The following MYLK4 variants were observed in gnomAD, a reference collection of about 807,000 sequenced individuals.
MYLK4 encodes the protein caMLCK like.
Under a neutral mutation model 48.1 loss-of-function variants are expected in MYLK4, and 46 were observed. The observed-to-expected ratio is 0.96, with a 90% confidence interval of 0.75 to 1.22. MYLK4 has a LOEUF of 1.22. MYLK4 is among the 50% of genes most tolerant of loss of function. The probability of loss-of-function intolerance (pLI) is 0.00; values close to 1 mark genes in which losing one functional copy is unlikely to be tolerated. For missense variants in MYLK4, 451 were observed against 486.1 expected (o/e 0.93, Z 0.68); for synonymous variants, 170 against 180.8 (o/e 0.94, Z 0.48).
intron 3 of MYLK4, among the ~76,000 whole-genome samples, chr6:2,689,620 A>G (rs1293743387): frequency 6.6e-6 from 1 of 152,214 alleles, no homozygotes; most frequent in Non-Finnish European, 1.5e-5. Flanking sequence ...CAGCTCTAAC[A>G]TACAGAATTA....
At chr6:2,765,529 T>C in the MYLK4 span, 1 of 1,304,094 alleles carries the variant, frequency 7.7e-7, no homozygotes, top group Non-Finnish European at 9.7e-7. Context: ...AGCGAGGGTC[T>C]CGCGGCGCGG....
chr6:2,735,996 G>A (rs530251114), intron 2 of MYLK4, among the ~76,000 whole-genome samples: 56 of 152,254 alleles, frequency 3.7e-4, no homozygotes, highest in African/African-American at 1.3e-3. Context: ...TCACACAGCC[G>A]GTAGGTGGTC....
intron 2 of MYLK4, among the ~76,000 whole-genome samples, chr6:2,737,336 A>C (rs1438357866): frequency 1.3e-5 from 2 of 152,176 alleles, no homozygotes; most frequent in Non-Finnish European, 2.9e-5. Flanking sequence ...AATAACAATA[A>C]AACGATCCTA....
intron 3 of MYLK4, among the ~76,000 whole-genome samples, chr6:2,689,347 C>T (rs1761684900): frequency 6.6e-6 from 1 of 152,148 alleles, no homozygotes; most frequent in Non-Finnish European, 1.5e-5. Context: ...CTGATATAAT[C>T]CATTATTTTA....
At chr6:2,699,230 T>C (rs1268363875) in intron 2 of MYLK4, among the ~76,000 whole-genome samples, 4 of 151,504 alleles carry the variant, frequency 2.6e-5, no homozygotes, top group Admixed American at 1.3e-4. Context: ...TATTTTATTA[T>C]AATATACATT....
chr6:2,715,348 T>C (rs908930476), intron 2 of MYLK4, among the ~76,000 whole-genome samples: 7 of 151,856 alleles, frequency 4.6e-5, no homozygotes, highest in African/African-American at 1.7e-4. Flanking sequence ...TGCACGACAA[T>C]GTGAATGTAC....
chr6:2,683,391 T>TTTTGTGTGTGTG (rs556476421), intron 6 of MYLK4, among the ~76,000 whole-genome samples: 9 of 126,584 alleles, frequency 7.1e-5, no homozygotes, highest in Admixed American at 4.3e-4. Context: ...CCCCACCTTT[T>TTTTGTGTGTGTG]TGTGTGTGTG....
chr6:2,740,351 C>A (rs1019102142), intron 2 of MYLK4, among the ~76,000 whole-genome samples: 2 of 152,244 alleles, frequency 1.3e-5, no homozygotes, highest in African/African-American at 4.8e-5. Flanking sequence ...CTGCATTACG[C>A]CTTCTTCCCA....
chr6:2,696,801 C>G (rs1762078020), intron 2 of MYLK4, among the ~76,000 whole-genome samples: 1 of 152,190 alleles, frequency 6.6e-6, no homozygotes, highest in South Asian at 2.1e-4. Context: ...GTGGCTCACA[C>G]CTGTAATCTC....
At chr6:2,688,738 A>G in intron 4 of MYLK4, 113 bp downstream of exon 4, 1 of 840,664 alleles carries the variant, frequency 1.2e-6, no homozygotes, top group Non-Finnish European at 1.9e-6. Context: ...TGTTTCTTAA[A>G]ATGTTTGTTT....
chr6:2,736,273 G>C (rs1266625394), intron 2 of MYLK4, among the ~76,000 whole-genome samples: 2 of 152,150 alleles, frequency 1.3e-5, no homozygotes, highest in Non-Finnish European at 2.9e-5. Flanking sequence ...TGTTGTTTTT[G>C]AGATGGAGTC....
chr6:2,735,324 A>T (rs565271612), intron 2 of MYLK4, among the ~76,000 whole-genome samples: 22 of 152,312 alleles, frequency 1.4e-4, no homozygotes, highest in Admixed American at 1.4e-3. Flanking sequence ...GGCCACTTTG[A>T]CTGCTTAAAA....
At chr6:2,722,861 T>A (rs907959337) in intron 2 of MYLK4, among the ~76,000 whole-genome samples, 2 of 152,124 alleles carry the variant, frequency 1.3e-5, no homozygotes, top group Admixed American at 1.3e-4. Context: ...ATTTTATACA[T>A]CCTATATATA....
chr6:2,737,011 C>T (rs77319834), intron 2 of MYLK4, among the ~76,000 whole-genome samples: 2,483 of 152,320 alleles, frequency 0.016, 57 homozygotes, highest in African/African-American at 0.056. Flanking sequence ...TCATGTTCTA[C>T]GAAGCCTATG....
chr6:2,766,428 C>T, the MYLK4 span: 5 of 1,575,362 alleles, frequency 3.2e-6, no homozygotes, highest in South Asian at 4.6e-5. Context: ...CTGTGGGGGC[C>T]GCCGGGCTGC....
intron 3 of MYLK4, among the ~76,000 whole-genome samples, chr6:2,690,821 A>ATATTTT (rs1561842811): frequency 7.8e-6 from 1 of 127,812 alleles, no homozygotes; most frequent in Non-Finnish European, 1.6e-5. Context: ...ATCTCTCTGA[A>ATATTTT]TCTTTTTTTT....
At chr6:2,768,571 A>G in the MYLK4 span, 1 of 713,870 alleles carries the variant, frequency 1.4e-6, no homozygotes, top group Non-Finnish European at 2.2e-6. Context: ...GCTGCTCAGC[A>G]TTCTTCCGAG....
rs892208059 is a variant in MYLK4 at position 2,724,039 on chromosome 6, G to A, written c.159+25097C>T. Among the ~76,000 whole-genome samples the A allele has an allele frequency of 3.3e-5, 5 of 151,970 alleles. No homozygotes were observed. The East Asian group carries it at 9.7e-4, about 29-fold the overall frequency. On this transcript the variant is annotated intron_variant, in intron 2 of 12. Transcript: ENST00000274643. Reference sequence around the variant, plus strand: ...TTACAGGTGCGTGCCACTACCACTGGGATAATTTTTGTATTTTTAGTAGAG... The same window carrying A: ...TTACAGGTGCGTGCCACTACCACTGAGATAATTTTTGTATTTTTAGTAGAG...
the MYLK4 span, among the ~76,000 whole-genome samples, chr6:2,762,331 A>G: frequency 1.3e-5 from 2 of 152,254 alleles, no homozygotes; most frequent in Non-Finnish European, 2.9e-5. Flanking sequence ...ATCTTGAAAC[A>G]CGTCCTAAGA....
Sources: allele counts gnomAD v4.1 joint callset (sites outside exome capture counted in the v4.1 genomes callset), GRCh38; gene constraint gnomAD v4.1.1; transcripts MANE v1.5; gene names NCBI Gene and HGNC (gene_info 2026-07-23, HGNC 2026-07-21).